MAML2: variants seen among roughly 807,000 people sequenced by gnomAD.
MAML2 encodes the protein mastermind-like protein 2.
Under a neutral mutation model 96.1 loss-of-function variants are expected in MAML2, and 22 were observed. That is an observed-to-expected ratio of 0.23 (90% confidence interval 0.16 to 0.33). The LOEUF is 0.33. MAML2 is among the 10% of genes least tolerant of loss of function. The pLI, the probability that MAML2 is intolerant of heterozygous loss-of-function variation, is 1.00. For missense variants in MAML2, 1,367 were observed against 1,392.4 expected (o/e 0.98, Z 0.29); for synonymous variants, 561 against 521.3 (o/e 1.08, Z -1.04).
At chr11:96,257,813 C>T (rs1049844428) in intron 1 of MAML2, among the ~76,000 whole-genome samples, 21 of 152,190 alleles carry the variant, frequency 1.4e-4, no homozygotes, top group African/African-American at 5.1e-4. Flanking sequence ...ACGAGAAGGA[C>T]TTACTAGTAA....
intron 1 of MAML2, among the ~76,000 whole-genome samples, chr11:96,241,049 C>T (rs917652809): frequency 3.3e-5 from 5 of 152,162 alleles, no homozygotes; most frequent in African/African-American, 1.2e-4. Flanking sequence ...TGAAGATAAA[C>T]AGCAATTGAA....
At chr11:95,985,319 T>C (rs1476797717) in intron 4 of MAML2, among the ~76,000 whole-genome samples, 3 of 151,832 alleles carry the variant, frequency 2.0e-5, no homozygotes, top group South Asian at 2.1e-4. Flanking sequence ...GTCCAGAGAG[T>C]GGTGAAATAT....
chr11:96,183,404 C>CG (rs1555020957), intron 1 of MAML2, among the ~76,000 whole-genome samples: 1 of 12,544 alleles, frequency 8.0e-5, no homozygotes. Flanking sequence ...CCCCCCCCCC[C>CG]CTTTCTTTTG....
chr11:96,216,130 G>A (rs1357534140), intron 1 of MAML2, among the ~76,000 whole-genome samples: 6 of 152,158 alleles, frequency 3.9e-5, no homozygotes, highest in African/African-American at 1.4e-4. Context: ...GAAGTTGGTA[G>A]TTGGTAATCT....
At chr11:96,122,497 G>GGTGTGTGTGT (rs67940033) in intron 1 of MAML2, among the ~76,000 whole-genome samples, 78 of 135,774 alleles carry the variant, frequency 5.7e-4, no homozygotes, top group Non-Finnish European at 8.6e-4. Flanking sequence ...TTTTAGGCTG[G>GGTGTGTGTGT]GTGTGTGTGT....
chr11:96,087,579 T>C (rs1312449459), intron 2 of MAML2, among the ~76,000 whole-genome samples: 2 of 152,238 alleles, frequency 1.3e-5, no homozygotes, highest in East Asian at 3.8e-4. Context: ...ATCTTCACTA[T>C]AGATTTCATG....
chr11:96,265,096 G>T (rs1004841145), intron 1 of MAML2, among the ~76,000 whole-genome samples: 2 of 152,180 alleles, frequency 1.3e-5, no homozygotes, highest in African/African-American at 4.8e-5. Flanking sequence ...CAAATACATA[G>T]TGTCAGCTGA....
chr11:96,103,244 A>C (rs1859963880), intron 1 of MAML2, among the ~76,000 whole-genome samples: 1 of 152,134 alleles, frequency 6.6e-6, no homozygotes, highest in East Asian at 1.9e-4. Flanking sequence ...ATCCACTCCC[A>C]CATGCCCCTC....
intron 2 of MAML2, among the ~76,000 whole-genome samples, chr11:96,018,844 C>T (rs951845287): frequency 2.0e-5 from 3 of 152,170 alleles, no homozygotes; most frequent in Non-Finnish European, 4.4e-5. Flanking sequence ...CTGCCTCCAC[C>T]TCCCAAAGTG....
intron 1 of MAML2, among the ~76,000 whole-genome samples, chr11:96,320,931 C>T (rs1863691689): frequency 6.6e-6 from 1 of 152,136 alleles, no homozygotes; most frequent in African/African-American, 2.4e-5. Flanking sequence ...CATGTGGAAT[C>T]CACATGCTGG....
At chr11:96,135,152 G>T (rs569348126) in intron 1 of MAML2, among the ~76,000 whole-genome samples, 1 of 152,296 alleles carries the variant, frequency 6.6e-6, no homozygotes, top group Non-Finnish European at 1.5e-5. Flanking sequence ...GTGAGAGTGA[G>T]TTAGTTATCA....
At chr11:96,074,656 C>A (rs1005520744) in intron 2 of MAML2, among the ~76,000 whole-genome samples, 2 of 152,136 alleles carry the variant, frequency 1.3e-5, no homozygotes, top group African/African-American at 4.8e-5. Context: ...CATGGAGACG[C>A]CCACCGGCTG....
intron 1 of MAML2, among the ~76,000 whole-genome samples, chr11:96,136,412 AG>A (rs1860633479): frequency 6.6e-6 from 1 of 151,598 alleles, no homozygotes; most frequent in African/African-American, 2.4e-5. Flanking sequence ...TTGATTATGT[AG>A]TTATCACAAA....
intron 2 of MAML2, among the ~76,000 whole-genome samples, chr11:96,042,993 GC>G (rs1858840972): frequency 6.6e-6 from 1 of 151,942 alleles, no homozygotes; most frequent in South Asian, 2.1e-4. Flanking sequence ...TGATCTTCCC[GC>G]CTTAGCCTCC....
intron 1 of MAML2, among the ~76,000 whole-genome samples, chr11:96,149,916 A>T (rs1860892987): frequency 6.6e-6 from 1 of 151,696 alleles, no homozygotes; most frequent in Admixed American, 6.6e-5. Context: ...CTCTGTCTTT[A>T]TTTGATCCAC....
intron 2 of MAML2, among the ~76,000 whole-genome samples, chr11:96,091,146 TA>T (rs1859698541): frequency 6.6e-6 from 1 of 152,214 alleles, no homozygotes; most frequent in Non-Finnish European, 1.5e-5. Flanking sequence ...CCAAACGATG[TA>T]AGGTTACCAG....
intron 2 of MAML2, among the ~76,000 whole-genome samples, chr11:96,091,658 A>C (rs1454834455): frequency 6.6e-6 from 1 of 152,166 alleles, no homozygotes; most frequent in Non-Finnish European, 1.5e-5. Context: ...GTAAGCAAGA[A>C]CCTTTGATCA....
At chr11:96,048,572 G>A (rs1048673240) in intron 2 of MAML2, among the ~76,000 whole-genome samples, 1 of 152,090 alleles carries the variant, frequency 6.6e-6, no homozygotes, top group Non-Finnish European at 1.5e-5. Context: ...CTTAAGAGGA[G>A]TTCAAGGAAA....
Position 96,341,891 on chromosome 11 carries a change from C to T in MAML2, c.5G>A (p.Gly2Glu). The change falls in exon 1 of 5, where the codon GGG (glycine) becomes GAG (glutamate). Residue 2 changes from glycine to glutamate, a missense_variant. Gly to Glu is a moderately conservative substitution (Grantham distance 98). Coordinates refer to ENST00000524717, the MANE Select transcript of MAML2 (RefSeq NM_032427.4). ...GGGGGCCTGCGGGGGCGCTGTGTCC[C>T]CCATCTTACCGGACACAATGATTGC... M[G>E]DTAPPQAPAG... is the part of the protein sequence containing the mutation. 6.6e-7 allele frequency: 1 copy of T among 1,520,484 alleles called. No individual in the cohort carries two copies. Among genetic ancestry groups the T allele is most frequent in the Non-Finnish European group, 8.8e-7 (1 of 1,137,614 alleles). The allele number at this position is 1,520,484 out of a possible 1,614,324, so 94.2% of individuals were successfully genotyped here.
Sources: allele counts gnomAD v4.1 joint callset (sites outside exome capture counted in the v4.1 genomes callset), GRCh38; gene constraint gnomAD v4.1.1; transcripts MANE v1.5; gene names NCBI Gene and HGNC (gene_info 2026-07-23, HGNC 2026-07-21).